Variants in PPP1R42 observed in about 807,000 individuals in gnomAD.
PPP1R42 encodes the protein leucine rich repeat containing 67.
Under a neutral mutation model 31.0 loss-of-function variants are expected in PPP1R42, and 34 were observed. The ratio of observed to expected loss-of-function variants is 1.10; its 90% CI spans 0.83 to 1.46. The LOEUF (loss-of-function observed/expected upper bound fraction) is 1.46, where lower values mean the gene tolerates loss of function less well. Among genes scored for constraint, PPP1R42 ranks in the 40% most tolerant of loss-of-function variants. PPP1R42 has a pLI of 0.00. For missense variants in PPP1R42, 268 were observed against 303.0 expected, an observed-to-expected ratio of 0.88 and a Z score of 0.86; for synonymous variants, 103 against 109.8, an observed-to-expected ratio of 0.94 and a Z score of 0.39.
chr8:66,986,151 GA>G (rs1815005368), intron 6 of PPP1R42: 2 of 645,540 alleles, frequency 3.1e-6, no homozygotes, highest in East Asian at 6.2e-5. Context: ...TAGGCTCTGA[GA>G]AACCCAGCAC....
intron 3 of PPP1R42, 152 bp downstream of exon 3, chr8:67,014,274 G>T (rs570453664): frequency 8.8e-5 from 38 of 433,624 alleles, no homozygotes; most frequent in East Asian, 6.5e-4. Flanking sequence ...GAATCATATG[G>T]TTTTTTTTCA....
At chr8:66,990,889 G>C (rs981282465) in intron 5 of PPP1R42, among the ~76,000 whole-genome samples, 1 of 152,116 alleles carries the variant, frequency 6.6e-6, no homozygotes, top group African/African-American at 2.4e-5. Flanking sequence ...CTGCTTGTCA[G>C]GATCAATATT....
chr8:67,015,560 T>C (rs1169754519), intron 2 of PPP1R42, among the ~76,000 whole-genome samples: 1 of 152,016 alleles, frequency 6.6e-6, no homozygotes, highest in Non-Finnish European at 1.5e-5. Flanking sequence ...ACATTCTTTC[T>C]TATTATATGT....
rs1815591117 is a variant in PPP1R42 at position 67,003,949 on chromosome 8, GC to G, written c.552+6765del. ...ACTAAAAGTACAAAAAATTAGCCGGGCGTGGTGGCGGGCGCCTGTAGTCCCA... is the reference window on the plus strand; with the variant it reads ...ACTAAAAGTACAAAAAATTAGCCGGGGTGGTGGCGGGCGCCTGTAGTCCCA... On this transcript the variant is annotated intron_variant, in intron 5 of 7. Coordinates refer to ENST00000685739, the MANE Select transcript of PPP1R42 (RefSeq NM_001364910.1). 3.3e-5 allele frequency among the ~76,000 whole-genome samples: 5 copies of G among 152,288 alleles called. 1 individual carries two copies. In the South Asian group the frequency reaches 1.0e-3, roughly 32 times the overall value.
chr8:67,012,821 C>A, intron 4 of PPP1R42, 137 bp downstream of exon 4: 2 of 693,972 alleles, frequency 2.9e-6, no homozygotes, highest in Non-Finnish European at 4.2e-6. Context: ...CAGCTTCAGT[C>A]CTCTGATAAG....
chr8:67,018,579 C>T (rs1029111242), intron 1 of PPP1R42, among the ~76,000 whole-genome samples: 1 of 151,382 alleles, frequency 6.6e-6, no homozygotes, highest in African/African-American at 2.4e-5. Flanking sequence ...GTGGCACGGT[C>T]TTGGCTGACT....
At chr8:67,022,810 T>C (rs1816264198) in intron 1 of PPP1R42, among the ~76,000 whole-genome samples, 1 of 152,146 alleles carries the variant, frequency 6.6e-6, no homozygotes, top group African/African-American at 2.4e-5. Context: ...TTTATCTCCA[T>C]GACAACACGG....
intron 1 of PPP1R42, chr8:67,027,057 C>G (rs1029650466): frequency 5.9e-5 from 9 of 151,898 alleles, no homozygotes; most frequent in African/African-American, 2.2e-4. Flanking sequence ...TGCACCACCA[C>G]GCCTGGCTAA....
chr8:67,008,423 T>A (rs529179145), intron 5 of PPP1R42, among the ~76,000 whole-genome samples: 1 of 152,028 alleles, frequency 6.6e-6, no homozygotes, highest in Non-Finnish European at 1.5e-5. Context: ...TTAAAGAGGA[T>A]TTGGGCCATG....
At chr8:66,970,985 T>A (rs569324354) in intron 7 of PPP1R42, 1,253 of 1,519,888 alleles carry the variant, frequency 8.2e-4, no homozygotes, top group Non-Finnish European at 1.0e-3. Context: ...ACCTACCCCA[T>A]CTCTTAAATA....
At chr8:67,023,988 C>A (rs1245174272) in intron 1 of PPP1R42, among the ~76,000 whole-genome samples, 1 of 151,184 alleles carries the variant, frequency 6.6e-6, no homozygotes, top group Non-Finnish European at 1.5e-5. Context: ...ACTAAAAATA[C>A]AAAAAAAATT....
At chr8:66,976,829 G>T (rs972153566) in intron 7 of PPP1R42, among the ~76,000 whole-genome samples, 3 of 152,018 alleles carry the variant, frequency 2.0e-5, no homozygotes, top group African/African-American at 7.2e-5. Flanking sequence ...GGGCAATTCT[G>T]TATCTTGGCT....
intron 5 of PPP1R42, among the ~76,000 whole-genome samples, chr8:67,009,673 C>CTTATTTGAAACAT (rs1563428589): frequency 6.6e-5 from 10 of 152,198 alleles, no homozygotes; most frequent in Non-Finnish European, 1.0e-4. Context: ...AGTTGTGCTT[C>CTTATTTGAAACAT]CTAAGGTCTT....
intron 7 of PPP1R42, among the ~76,000 whole-genome samples, chr8:66,964,716 G>A (rs1010092011): frequency 2.0e-5 from 3 of 151,974 alleles, no homozygotes; most frequent in African/African-American, 7.2e-5. Flanking sequence ...TGTTTTATAT[G>A]TATATAAAAC....
chr8:66,980,593 GCTC>G (rs1202534900), intron 7 of PPP1R42, among the ~76,000 whole-genome samples: 3 of 152,060 alleles, frequency 2.0e-5, no homozygotes, highest in African/African-American at 7.2e-5. Context: ...CTCCACCCGT[GCTC>G]CTCCTCATGT....
In PPP1R42 at chr8:66,988,430, C is replaced by G; in HGVS notation, c.640G>C (p.Asp214His). ...NPVCLKPKYR[D>H]RLILVSKSLE... ...GATTTGGACACCAATATCAGTCTGT[C>G]CCTGTATTTTGGTTTGAGACAAACA... The change falls in exon 6 of 8, where the codon GAC (aspartate) becomes CAC (histidine). Residue 214 changes from aspartate (D) to histidine (H), a missense_variant. Asp to His is a moderately conservative substitution (Grantham distance 81). Coordinates refer to ENST00000685739, the MANE Select transcript of PPP1R42 (RefSeq NM_001364910.1). The G allele has an allele frequency of 6.3e-7, 1 of 1,599,152 alleles. No homozygotes were observed. Among genetic ancestry groups the G allele is most frequent in the Non-Finnish European group, 8.5e-7 (1 of 1,170,754 alleles).
intron 5 of PPP1R42, among the ~76,000 whole-genome samples, chr8:66,992,251 T>C (rs1262900958): frequency 6.6e-6 from 1 of 152,180 alleles, no homozygotes; most frequent in East Asian, 1.9e-4. Flanking sequence ...GTTTCATACA[T>C]TGGGGAAATC....
In PPP1R42 at chr8:67,028,536, A is replaced by G. The variant is rs898076477; in HGVS notation, c.-130T>C. On this transcript the variant is annotated 5_prime_UTR_variant, in exon 1 of 8. An upstream start codon of the reference 5' UTR is lost. Coordinates refer to ENST00000685739, the MANE Select transcript of PPP1R42 (RefSeq NM_001364910.1). ...AGCTAACTCCAGTTTGGTCGGTTTC[A>G]TCGGCGCCGGGTCCCTACGCAGACC... is the stretch of plus-strand genomic sequence containing the variant. The G allele has an allele frequency of 1.0e-5, 10 of 985,368 alleles. No homozygotes were observed. The highest frequency in any genetic ancestry group is 5.2e-5 in the African/African-American group (3 of 57,266). The allele number at this position is 985,368 out of a possible 1,614,324, so 61.0% of individuals were successfully genotyped here. A position where few individuals can be genotyped will look rare whatever the true frequency, so the allele number is the denominator to read the frequency against.
In PPP1R42 at chr8:67,017,743, A is replaced by G. The variant is rs756359698; in HGVS notation, c.5T>C (p.Val2Ala). Residue 2 changes from valine to alanine, a missense_variant, in exon 2 of 8, where the codon GTT (valine) becomes GCT (alanine). Val to Ala is a moderately conservative substitution (Grantham distance 64). Coordinates refer to ENST00000685739, the MANE Select transcript of PPP1R42 (RefSeq NM_001364910.1). ...GGCAATTAGATCCAAGGTCAGTCGA[A>G]CCATAATTTCTTTATAAATCAAACT... Reference protein sequence around the residue: MVRLTLDLIARN... With the variant: MARLTLDLIARN... The G allele has an allele frequency of 3.8e-6, 6 of 1,582,836 alleles. 1 individual carries two copies. The South Asian group carries it at 7.3e-5, about 19-fold the overall frequency.
Sources: gnomAD v4.1 joint callset for allele counts (sites outside exome capture counted in the v4.1 genomes callset) on GRCh38, gnomAD v4.1.1 for gene constraint, MANE v1.5 for transcripts, NCBI Gene and HGNC (gene_info 2026-07-23, HGNC 2026-07-21) for gene names.